PTCHD4: variants seen among roughly 807,000 people sequenced by gnomAD.
PTCHD4 encodes patched domain containing 4.
PTCHD4 carries 33 observed loss-of-function variants against 58.1 expected under a neutral mutation model. That is an observed-to-expected ratio of 0.57 (90% confidence interval 0.43 to 0.76). The LOEUF (loss-of-function observed/expected upper bound fraction) is 0.76. Ranked by LOEUF, PTCHD4 falls within the 30% of genes least tolerant of loss-of-function variation. The pLI is 0.00. For synonymous variants in PTCHD4, 478 were observed against 409.6 expected, an observed-to-expected ratio of 1.17 and a Z score of -2.02; for missense variants, 1,058 against 1,027.1, an observed-to-expected ratio of 1.03 and a Z score of -0.41.
At chr6:47,909,365 A>G (rs560708956) in intron 4 of PTCHD4, among the ~76,000 whole-genome samples, 1 of 152,208 alleles carries the variant, frequency 6.6e-6, no homozygotes, top group South Asian at 2.1e-4. Flanking sequence ...GGGGAAATTG[A>G]AAGGTTTTGC....
chr6:47,940,680 C>T (rs777008805), intron 4 of PTCHD4, among the ~76,000 whole-genome samples: 5 of 152,102 alleles, frequency 3.3e-5, no homozygotes, highest in Admixed American at 3.3e-4. Flanking sequence ...ATGTAAGAAA[C>T]AGCACTTTGA....
In PTCHD4 at chr6:48,051,995, G is replaced by A. The variant is rs545748534; in HGVS notation, c.417+16235C>T. Among the ~76,000 whole-genome samples, 5 of 151,998 alleles carry A rather than the reference G, an allele frequency of 3.3e-5. No individual in the cohort carries two copies. The South Asian group carries it at 1.0e-3, about 32-fold the overall frequency. On this transcript the variant is annotated intron_variant, in intron 3 of 4. Coordinates refer to ENST00000339488, the MANE Select transcript of PTCHD4 (RefSeq NM_001384253.1). Reference sequence around the variant, plus strand: ...TGTCTTCTTTCCTGACTAGATTGTAGGTTTCTGAAAAAGAAAGCCTGTGAC... The same window carrying A: ...TGTCTTCTTTCCTGACTAGATTGTAAGTTTCTGAAAAAGAAAGCCTGTGAC...
At chr6:48,045,767 A>AC (rs1764012731) in intron 3 of PTCHD4, among the ~76,000 whole-genome samples, 1 of 147,970 alleles carries the variant, frequency 6.8e-6, no homozygotes. Context: ...GATTCCAGAG[A>AC]TTTTTTTTTT....
intron 4 of PTCHD4, among the ~76,000 whole-genome samples, chr6:47,997,212 T>A (rs1768529161): frequency 1.3e-5 from 2 of 152,202 alleles, no homozygotes. Context: ...TGGTTTTCAT[T>A]CGATGAAGTG....
chr6:48,022,382 A>T (rs1174985516), intron 3 of PTCHD4, among the ~76,000 whole-genome samples: 1 of 152,028 alleles, frequency 6.6e-6, no homozygotes, highest in Non-Finnish European at 1.5e-5. Context: ...ATCTTTGCTA[A>T]ATTACCTTTT....
At chr6:47,949,179 T>A (rs745467164) in intron 4 of PTCHD4, among the ~76,000 whole-genome samples, 3 of 152,146 alleles carry the variant, frequency 2.0e-5, no homozygotes, top group Non-Finnish European at 4.4e-5. Flanking sequence ...ATAAGGTTGT[T>A]AGGACAGGCC....
At chr6:47,970,016 G>A (rs1280363068) in intron 4 of PTCHD4, among the ~76,000 whole-genome samples, 2 of 152,138 alleles carry the variant, frequency 1.3e-5, no homozygotes, top group Admixed American at 6.6e-5. Flanking sequence ...GTTCCTAAAG[G>A]TGAGAGCACA....
chr6:47,888,882 C>T (rs1256665571), intron 4 of PTCHD4, among the ~76,000 whole-genome samples: 18 of 121,780 alleles, frequency 1.5e-4, no homozygotes, highest in Non-Finnish European at 3.0e-4. Context: ...TGTTCAATTC[C>T]CACCTATGAG....
intron 4 of PTCHD4, among the ~76,000 whole-genome samples, chr6:47,984,725 T>G (rs1039968718): frequency 6.6e-6 from 1 of 151,912 alleles, no homozygotes; most frequent in Admixed American, 6.6e-5. Context: ...GAAAGAAAAA[T>G]AAATATTAAT....
chr6:48,057,209 T>TC (rs1211359574), intron 3 of PTCHD4, among the ~76,000 whole-genome samples: 2 of 152,028 alleles, frequency 1.3e-5, no homozygotes, highest in South Asian at 2.1e-4. Context: ...GTTTTTTTTT[T>TC]CTGAGCCCAA....
chr6:48,013,835 T>G (rs1214240941), intron 3 of PTCHD4, among the ~76,000 whole-genome samples: 1 of 152,148 alleles, frequency 6.6e-6, no homozygotes, highest in Non-Finnish European at 1.5e-5. Context: ...TCTCAAGAGA[T>G]CTTTAGCAGC....
At chr6:48,051,722 G>C (rs147867352) in intron 3 of PTCHD4, among the ~76,000 whole-genome samples, 1 of 152,044 alleles carries the variant, frequency 6.6e-6, no homozygotes, top group Non-Finnish European at 1.5e-5. Flanking sequence ...TGCTTGCAGA[G>C]AGCAGCTCTC....
rs6905060 is a variant in PTCHD4, at chr6:48,079,917, A to G, written c.-969-9991T>C. On this transcript the variant is annotated intron_variant, in intron 1 of 4. Transcript: ENST00000339488. ...AATTTATAGCCAATTTGGGATTATTATAGGAAAGAACTAGTTGCTCTTATA... is the reference window on the plus strand; with the variant it reads ...AATTTATAGCCAATTTGGGATTATTGTAGGAAAGAACTAGTTGCTCTTATA... Among the ~76,000 whole-genome samples, 330 of 148,520 alleles carry G rather than the reference A, an allele frequency of 2.2e-3. 1 individual carries two copies. The highest frequency in any genetic ancestry group is 3.7e-3 in the Non-Finnish European group (246 of 67,194).
chr6:48,038,271 T>A (rs537696488), intron 3 of PTCHD4, among the ~76,000 whole-genome samples: 1 of 152,190 alleles, frequency 6.6e-6, no homozygotes, highest in African/African-American at 2.4e-5. Context: ...ATGGTGATGA[T>A]GCAGCCACAG....
At position 47,877,169 on chromosome 6, in the gene PTCHD4, T is replaced by C. The variant is rs1405175802; in HGVS notation, c.*1134A>G. ...TGATGAGTGGGTATGGTCCATTTTA[T>C]TCTATTTCACTCTACGAGTTTCCTA... On this transcript the variant is annotated 3_prime_UTR_variant, in exon 5 of 5. Transcript: ENST00000339488. Among the ~76,000 whole-genome samples, 1 of 152,070 alleles carries C rather than the reference T, an allele frequency of 6.6e-6. No individual in the cohort carries two copies. The highest frequency in any genetic ancestry group is 1.5e-5 in the Non-Finnish European group (1 of 67,972).
intron 3 of PTCHD4, among the ~76,000 whole-genome samples, chr6:48,019,945 A>G (rs1230428963): frequency 6.6e-6 from 1 of 152,032 alleles, no homozygotes; most frequent in Non-Finnish European, 1.5e-5. Context: ...ATGGTCTTCT[A>G]AGCAGAGGAA....
chr6:48,012,457 C>A (rs1762713351), intron 3 of PTCHD4, among the ~76,000 whole-genome samples: 1 of 152,092 alleles, frequency 6.6e-6, no homozygotes, highest in Non-Finnish European at 1.5e-5. Context: ...TGCTTATCAG[C>A]TTAAGGAGAT....
At chr6:48,081,472 C>A (rs1765165797) in intron 1 of PTCHD4, among the ~76,000 whole-genome samples, 3 of 152,116 alleles carry the variant, frequency 2.0e-5, no homozygotes, top group Admixed American at 1.3e-4. Flanking sequence ...TAAACTTTAG[C>A]CTCCTCATCT....
chr6:47,962,971 G>A (rs1164298810), intron 4 of PTCHD4, among the ~76,000 whole-genome samples: 1 of 151,760 alleles, frequency 6.6e-6, no homozygotes, highest in Non-Finnish European at 1.5e-5. Context: ...ACCAGCCTGG[G>A]TAACACGGTG....
Sources: gnomAD v4.1 joint callset for allele counts (sites outside exome capture counted in the v4.1 genomes callset) on GRCh38, gnomAD v4.1.1 for gene constraint, MANE v1.5 for transcripts, NCBI Gene and HGNC (gene_info 2026-07-23, HGNC 2026-07-21) for gene names.